RBMS3: variants seen among roughly 807,000 people sequenced by gnomAD.
RBMS3 encodes the protein RNA binding motif single stranded interacting protein 3.
Under a neutral mutation model 66.8 loss-of-function variants are expected in RBMS3, and 27 were observed. That is an observed-to-expected ratio of 0.40 (90% CI 0.30 to 0.56). The LOEUF (loss-of-function observed/expected upper bound fraction) is 0.56. Among genes scored for constraint, RBMS3 ranks in the 20% least tolerant of loss-of-function variants. The probability of loss-of-function intolerance (pLI) is 0.40; values close to 1 mark genes in which losing one functional copy is unlikely to be tolerated. For missense variants in RBMS3, 513 were observed against 549.5 expected (o/e 0.93, Z 0.66); for synonymous variants, 188 against 183.0 (o/e 1.03, Z -0.22).
chr3:29,798,655 A>G (rs1358043778), intron 6 of RBMS3, among the ~76,000 whole-genome samples: 1 of 152,204 alleles, frequency 6.6e-6, no homozygotes, highest in East Asian at 1.9e-4. Context: ...GCTTTTCACC[A>G]AAGAATTTAG....
intron 2 of RBMS3, among the ~76,000 whole-genome samples, chr3:29,440,817 A>C (rs1212796806): frequency 5.3e-5 from 8 of 152,214 alleles, no homozygotes; most frequent in Non-Finnish European, 1.0e-4. Context: ...AGTCCATTAT[A>C]CATGGTGTCA....
intron 4 of RBMS3, among the ~76,000 whole-genome samples, chr3:29,651,037 TA>T (rs199941781): frequency 0.016 from 2,437 of 152,322 alleles, 46 homozygotes; most frequent in African/African-American, 0.047. Context: ...ATGTTGCCTT[TA>T]AAAAATCAAA....
At chr3:29,666,704 C>G (rs1336554274) in intron 4 of RBMS3, among the ~76,000 whole-genome samples, 4 of 152,130 alleles carry the variant, frequency 2.6e-5, no homozygotes, top group African/African-American at 9.7e-5. Context: ...TCATTTGCAT[C>G]ATCGGCATTA....
At chr3:29,833,002 A>G (rs2058414242) in intron 6 of RBMS3, among the ~76,000 whole-genome samples, 1 of 152,206 alleles carries the variant, frequency 6.6e-6, no homozygotes, top group Admixed American at 6.5e-5. Flanking sequence ...ACGGCCACAG[A>G]GAACACAAAT....
At position 30,007,952 on chromosome 3, in the gene RBMS3, G is replaced by A. The variant is rs1187888099; in HGVS notation, c.*4090G>A. The A allele has an allele frequency of 1.3e-5, 2 of 151,980 alleles. No individual in the cohort carries two copies. Among genetic ancestry groups the A allele is most frequent in the Admixed American group, 6.6e-5 (1 of 15,246 alleles). The allele number at this position is 151,980 out of a possible 1,614,324, so 9.4% of individuals were successfully genotyped here. On this transcript the variant is annotated 3_prime_UTR_variant, in exon 15 of 15. Transcript: ENST00000383767. ...CATTAGAAATATAAGGCTGAGAACT[G>A]AAGAAGGCTGTTTAAAGCAGGAATT... is the stretch of plus-strand genomic sequence containing the variant.
chr3:29,355,209 C>T (rs997628456), intron 1 of RBMS3, among the ~76,000 whole-genome samples: 17 of 152,086 alleles, frequency 1.1e-4, no homozygotes, highest in African/African-American at 4.1e-4. Context: ...CTTGTGTCAT[C>T]ATAATGCCTG....
chr3:29,719,434 TCTG>T (rs2053543549), intron 4 of RBMS3, among the ~76,000 whole-genome samples: 1 of 152,118 alleles, frequency 6.6e-6, no homozygotes, highest in Non-Finnish European at 1.5e-5. Flanking sequence ...GCAAAGAGAA[TCTG>T]CTTTTTGTCT....
At chr3:29,360,793 A>C (rs1384222070) in intron 1 of RBMS3, among the ~76,000 whole-genome samples, 1 of 151,968 alleles carries the variant, frequency 6.6e-6, no homozygotes, top group Non-Finnish European at 1.5e-5. Flanking sequence ...TCCCTTTACC[A>C]TTATGTAATG....
At chr3:29,554,328 G>A (rs879643299) in intron 3 of RBMS3, among the ~76,000 whole-genome samples, 8 of 152,120 alleles carry the variant, frequency 5.3e-5, no homozygotes, top group Admixed American at 5.2e-4. Context: ...CTATTACCAG[G>A]TTTTGCCTAC....
chr3:29,698,009 A>G (rs1456372279), intron 4 of RBMS3, among the ~76,000 whole-genome samples: 1 of 152,216 alleles, frequency 6.6e-6, no homozygotes, highest in Non-Finnish European at 1.5e-5. Context: ...GCTGATAATC[A>G]TTATTCCTCT....
At chr3:29,893,455 G>A (rs933595232) in intron 8 of RBMS3, among the ~76,000 whole-genome samples, 8 of 151,456 alleles carry the variant, frequency 5.3e-5, no homozygotes, top group African/African-American at 1.4e-4. Flanking sequence ...GACCAGCCAC[G>A]CTAAAATGTA....
intron 4 of RBMS3, among the ~76,000 whole-genome samples, chr3:29,641,357 A>G (rs985706159): frequency 2.0e-5 from 3 of 152,060 alleles, no homozygotes; most frequent in African/African-American, 4.8e-5. Flanking sequence ...AACCACCAGT[A>G]TTTCAAAGAG....
chr3:29,338,112 T>C (rs374265389), intron 1 of RBMS3, among the ~76,000 whole-genome samples: 13 of 152,280 alleles, frequency 8.5e-5, no homozygotes, highest in African/African-American at 2.9e-4. Flanking sequence ...AAAATATGCA[T>C]GCCATGATCT....
In RBMS3 at chr3:29,952,510, C is replaced by T. The variant is rs144361967; in HGVS notation, c.1098+8256C>T. ...CTGATATGACATATTTGAAAGGGGA[C>T]GGTATATAATACACTTTTAATTACA... On this transcript the variant is annotated intron_variant, in intron 12 of 14. Coordinates refer to ENST00000383767, the MANE Select transcript of RBMS3 (RefSeq NM_001003793.3). Among the ~76,000 whole-genome samples the T allele has an allele frequency of 3.8e-4, 57 of 151,910 alleles. No homozygotes were observed. The East Asian group carries it at 9.1e-3, about 24-fold the overall frequency.
At chr3:29,928,676 A>T (rs2061020328) in intron 10 of RBMS3, among the ~76,000 whole-genome samples, 1 of 152,168 alleles carries the variant, frequency 6.6e-6, no homozygotes, top group African/African-American at 2.4e-5. Context: ...TGTGTCCTCT[A>T]AAATTCTTAT....
intron 12 of RBMS3, among the ~76,000 whole-genome samples, chr3:29,955,702 C>G (rs1194234895): frequency 6.6e-6 from 1 of 152,030 alleles, no homozygotes; most frequent in Non-Finnish European, 1.5e-5. Context: ...TTAGACCACA[C>G]AGTGTCTGCT....
At chr3:29,686,152 G>T (rs1336018251) in intron 4 of RBMS3, among the ~76,000 whole-genome samples, 7 of 152,066 alleles carry the variant, frequency 4.6e-5, no homozygotes, top group African/African-American at 1.7e-4. Context: ...TCTGGCCAAC[G>T]TAGGCTAACA....
intron 3 of RBMS3, among the ~76,000 whole-genome samples, chr3:29,569,962 C>T (rs1047164231): frequency 1.1e-4 from 8 of 74,536 alleles, no homozygotes; most frequent in African/African-American, 1.9e-4. Flanking sequence ...CCATATTTAC[C>T]GACCAAGAAA....
At chr3:29,450,193 G>T (rs1457053248) in intron 2 of RBMS3, among the ~76,000 whole-genome samples, 1 of 152,102 alleles carries the variant, frequency 6.6e-6, no homozygotes, top group African/African-American at 2.4e-5. Flanking sequence ...CAGCATGGAG[G>T]GAATGAATTT....
Sources: gnomAD v4.1 joint callset for allele counts (sites outside exome capture counted in the v4.1 genomes callset) on GRCh38, gnomAD v4.1.1 for gene constraint, MANE v1.5 for transcripts, NCBI Gene and HGNC (gene_info 2026-07-23, HGNC 2026-07-21) for gene names.